The following REEP5 variants were observed in gnomAD, a reference collection of about 807,000 sequenced individuals.
REEP5 encodes receptor expression-enhancing protein 5.
REEP5 carries 24 observed loss-of-function variants against 22.4 expected under a neutral mutation model. That is an observed-to-expected ratio of 1.07 (90% CI 0.78 to 1.51). The LOEUF (loss-of-function observed/expected upper bound fraction) is 1.51. Among genes scored for constraint, REEP5 ranks in the 40% most tolerant of loss-of-function variants. REEP5 has a pLI of 0.00. For missense variants in REEP5, 252 were observed against 233.0 expected (o/e 1.08, Z -0.53); for synonymous variants, 103 against 88.6 (o/e 1.16, Z -0.92).
At chr5:112,892,629 C>T (rs1353883383) in intron 3 of REEP5, 2 of 1,614,136 alleles carry the variant, frequency 1.2e-6, no homozygotes, top group South Asian at 2.2e-5. Context: ...GAGGAAAACA[C>T]TGCAACTTTC....
At chr5:112,921,902 C>T (rs1432656360) in intron 1 of REEP5, 171 bp downstream of exon 1, 2 of 807,594 alleles carry the variant, frequency 2.5e-6, no homozygotes, top group Non-Finnish European at 3.6e-6. Flanking sequence ...CCCGCGGGGT[C>T]CTCCGATGCC....
chr5:112,877,405 G>A lies in REEP5; in HGVS notation c.*1381C>T, dbSNP rs1254198247. On this transcript the variant is annotated 3_prime_UTR_variant, in exon 5 of 5. Coordinates refer to ENST00000379638, the MANE Select transcript of REEP5 (RefSeq NM_005669.5). ...AATTCAAAAGGACTCTTAACAGTAT[G>A]GTGTAAAACTCAGATTTTCTAGTCC... 2 of 152,116 alleles carry A rather than the reference G, an allele frequency of 1.3e-5. No homozygotes were observed. The highest frequency in any genetic ancestry group is 4.8e-5 in the African/African-American group (2 of 41,416). 9.4% of individuals were successfully genotyped at this position (152,116 alleles called of 1,614,324 possible).
chr5:112,918,048 A>C (rs2150048926), intron 2 of REEP5, among the ~76,000 whole-genome samples: 1 of 152,188 alleles, frequency 6.6e-6, no homozygotes, highest in East Asian at 1.9e-4. Flanking sequence ...CATTTCCAGT[A>C]GTCTGCCTCC....
In REEP5 at chr5:112,902,505, C is replaced by G; in HGVS notation, c.226G>C (p.Glu76Gln). The G allele has an allele frequency of 6.3e-7, 1 of 1,592,950 alleles. No homozygotes were observed. The change falls in exon 3 of 5, where the codon GAG becomes CAG. Residue 76 changes from glutamate (E) to glutamine (Q), a missense_variant. By Grantham distance (29) the Glu-to-Gln change is conservative. Coordinates refer to ENST00000379638, the MANE Select transcript of REEP5 (RefSeq NM_005669.5). ...GTATCATCTTCTTTGTTGGGACTCT[C>G]TATAGCTTTAATTCTGAAAGGCAGT... ...YPAYISIKAI[E>Q]SPNKEDDTQW...
chr5:112,881,164 A>G (rs1177853215), intron 4 of REEP5, among the ~76,000 whole-genome samples: 2 of 149,648 alleles, frequency 1.3e-5, no homozygotes, highest in Admixed American at 6.6e-5. Flanking sequence ...TGGCAATCCT[A>G]AAGTGGGAGG....
At chr5:112,879,332 G>C (rs1415729957) in intron 4 of REEP5, among the ~76,000 whole-genome samples, 4 of 151,146 alleles carry the variant, frequency 2.6e-5, no homozygotes, top group Non-Finnish European at 5.9e-5. Flanking sequence ...GTTTGGGGGG[G>C]GGGGCTGGGG....
chr5:112,892,678 G>T, intron 3 of REEP5: 1 of 1,614,106 alleles, frequency 6.2e-7, no homozygotes, highest in Non-Finnish European at 8.5e-7. Flanking sequence ...ATTCTGGGAA[G>T]CTAATAGAGA....
chr5:112,921,931 A>C, intron 1 of REEP5, 142 bp downstream of exon 1: 1 of 1,091,172 alleles, frequency 9.2e-7, no homozygotes, highest in Non-Finnish European at 1.2e-6. Flanking sequence ...CCGGGAGGCC[A>C]GCCTGATCCC....
intron 2 of REEP5, among the ~76,000 whole-genome samples, chr5:112,913,703 G>T (rs1318670288): frequency 6.7e-6 from 1 of 149,728 alleles, no homozygotes; most frequent in East Asian, 1.9e-4. Flanking sequence ...CAAAATGGAA[G>T]AGTCAGTCAC....
At chr5:112,921,311 G>T (rs1284006449) in intron 1 of REEP5, 55 bp from the exon 2 acceptor site, 3 of 1,543,066 alleles carry the variant, frequency 1.9e-6, no homozygotes, top group Non-Finnish European at 2.7e-6. Context: ...GTTCACGCGG[G>T]ACAGCCGCCG....
chr5:112,892,952 A>T, intron 3 of REEP5: 1 of 1,597,084 alleles, frequency 6.3e-7, no homozygotes. Context: ...AGCTGGGACC[A>T]GGGCCGCCGG....
chr5:112,896,507 G>A (rs1206173287), intron 3 of REEP5: 1 of 152,030 alleles, frequency 6.6e-6, no homozygotes, highest in Non-Finnish European at 1.5e-5. Context: ...CAGCCTGAGT[G>A]AAATAGCGAA....
intron 3 of REEP5, chr5:112,892,960 C>G: frequency 6.3e-7 from 1 of 1,594,864 alleles, no homozygotes; most frequent in Non-Finnish European, 8.6e-7. Context: ...CCAGGGCCGC[C>G]GGAGCCAGAG....
intron 3 of REEP5, chr5:112,895,497 T>TAAGTC (rs10684554): frequency 0.57 from 85,560 of 151,338 alleles, 26,684 homozygotes; most frequent in African/African-American, 0.85. Flanking sequence ...CTGGATGAAT[T>TAAGTC]AAGTGTCCAC....
intron 3 of REEP5, chr5:112,891,520 C>A: frequency 1.4e-6 from 2 of 1,401,320 alleles, no homozygotes; most frequent in Non-Finnish European, 2.0e-6. Flanking sequence ...GCAAACAAAA[C>A]AATACTAGAA....
At chr5:112,918,990 T>C (rs1481280113) in intron 2 of REEP5, among the ~76,000 whole-genome samples, 1 of 152,246 alleles carries the variant, frequency 6.6e-6, no homozygotes. Context: ...ACAGAGAGTA[T>C]GACTACCTTA....
At chr5:112,905,137 T>C (rs980537433) in intron 2 of REEP5, among the ~76,000 whole-genome samples, 2 of 152,082 alleles carry the variant, frequency 1.3e-5, no homozygotes, top group African/African-American at 4.8e-5. Flanking sequence ...AATCACAAAC[T>C]ACCCAAAACA....
chr5:112,889,808 C>A (rs1315461530), intron 3 of REEP5, among the ~76,000 whole-genome samples: 1 of 146,536 alleles, frequency 6.8e-6, no homozygotes, highest in Non-Finnish European at 1.5e-5. Context: ...ATAGGGAGAC[C>A]ACATCTCTAG....
intron 3 of REEP5, among the ~76,000 whole-genome samples, chr5:112,900,462 T>C (rs566997376): frequency 2.6e-5 from 4 of 152,230 alleles, no homozygotes; most frequent in Non-Finnish European, 4.4e-5. Flanking sequence ...ATAAAAGTCC[T>C]GTCTTTGCAA....
Sources: gnomAD v4.1 joint callset for allele counts (sites outside exome capture counted in the v4.1 genomes callset) on GRCh38, gnomAD v4.1.1 for gene constraint, MANE v1.5 for transcripts, NCBI Gene and HGNC (gene_info 2026-07-23, HGNC 2026-07-21) for gene names.